FCGR1A: variants seen among roughly 807,000 people sequenced by gnomAD.
FCGR1A encodes high affinity immunoglobulin gamma Fc receptor I.
Under a neutral mutation model 35.0 loss-of-function variants are expected in FCGR1A, and 13 were observed. The ratio of observed to expected loss-of-function variants is 0.37; its 90% CI spans 0.24 to 0.59. The LOEUF (loss-of-function observed/expected upper bound fraction) is 0.59. Ranked by LOEUF, FCGR1A falls within the 20% of genes least tolerant of loss-of-function variation. The pLI is 0.71. For missense variants in FCGR1A, 227 were observed against 430.0 expected, an observed-to-expected ratio of 0.53 and a Z score of 4.17; for synonymous variants, 91 against 164.7, an observed-to-expected ratio of 0.55 and a Z score of 3.43.
chr1:149,792,636 T>C, downstream of FCGR1A: 1 of 1,267,324 alleles, frequency 7.9e-7, no homozygotes, highest in Non-Finnish European at 1.0e-6. Context: ...CATGTGCATA[T>C]TGCAGCCTCC....
At chr1:149,788,280 A>G (rs1249520056) in intron 3 of FCGR1A, 86 bp from the exon 4 acceptor site, 50 of 1,609,282 alleles carry the variant, frequency 3.1e-5, no homozygotes, top group Admixed American at 2.9e-4. Flanking sequence ...TTGCAAGGAG[A>G]AAAAATAGGA....
chr1:149,791,335 A>G lies in FCGR1A; in HGVS notation c.943A>G (p.Lys315Glu), dbSNP rs1553751841. ...CACTGTTCTCTGGGTGACAATACGT[A>G]AAGAACTGAAAAGAAAGAAAAAGTG... ...VNTVLWVTIR[K>E]ELKRKKKWDL... The change falls in exon 6 of 6, where the codon AAA becomes GAA. Residue 315 changes from lysine to glutamate, a missense_variant. Lys to Glu is a moderately conservative substitution (Grantham distance 56). Transcript: ENST00000369168. The G allele has an allele frequency of 3.8e-6, 6 of 1,585,228 alleles. 1 individual carries two copies. The Admixed American group carries it at 1.0e-4, about 27-fold the overall frequency.
chr1:149,792,440 C>A (rs2091732512), downstream of FCGR1A: 1 of 946,800 alleles, frequency 1.1e-6, no homozygotes, highest in Admixed American at 4.8e-5. Context: ...CACTGTGTAA[C>A]ATAGCTGAGG....
At chr1:149,796,470 C>T (rs587760621), downstream of FCGR1A, among the ~76,000 whole-genome samples, 2,415 of 152,250 alleles carry the variant, frequency 0.016, 25 homozygotes, top group Non-Finnish European at 0.024. Flanking sequence ...GACTTCAAGG[C>T]CCAGTTCTTC....
Position 149,791,547 on chromosome 1 carries a change from G to A in FCGR1A, c.*30G>A, listed in dbSNP as rs782738262. ...GGCTCAGTGGGTGGCCATCGATCTG[G>A]ACCGTCCCCTGCCCACTTGCTCCCC... On this transcript the variant is annotated 3_prime_UTR_variant, in exon 6 of 6. Coordinates refer to ENST00000369168, the MANE Select transcript of FCGR1A (RefSeq NM_000566.4). 12 of 1,609,812 alleles carry A rather than the reference G, an allele frequency of 7.5e-6. No homozygotes were observed. The East Asian group carries it at 2.7e-4, about 36-fold the overall frequency.
At position 149,784,657 on chromosome 1, in the gene FCGR1A, T is replaced by A. The variant is rs1380851860; in HGVS notation, c.307+400T>A. ...ACAAAACTGCTAATATATATATACATATTATGCATATATATGTATATATTA... is the reference window on the plus strand; with the variant it reads ...ACAAAACTGCTAATATATATATACAAATTATGCATATATATGTATATATTA... On this transcript the variant is annotated intron_variant, in intron 3 of 5. Transcript: ENST00000369168. Among the ~76,000 whole-genome samples the A allele has an allele frequency of 7.3e-3, 1,090 of 148,814 alleles. 9 individuals are homozygous for A. The highest frequency in any genetic ancestry group is 0.013 in the Non-Finnish European group (856 of 67,438).
At chr1:149,793,832 G>A, downstream of FCGR1A, 2 of 1,229,276 alleles carry the variant, frequency 1.6e-6, no homozygotes, top group South Asian at 2.8e-5. Flanking sequence ...GAGGTTCCTA[G>A]CCTGAGAAGT....
At chr1:149,785,154 A>G (rs1256433328) in intron 3 of FCGR1A, among the ~76,000 whole-genome samples, 3 of 152,322 alleles carry the variant, frequency 2.0e-5, no homozygotes, top group African/African-American at 7.2e-5. Context: ...GCAAGACAAA[A>G]TAACCAAATG....
At chr1:149,797,697 C>T in the FCGR1A span, among the ~76,000 whole-genome samples, 2 of 152,226 alleles carry the variant, frequency 1.3e-5, no homozygotes, top group Non-Finnish European at 2.9e-5. Context: ...CTCCCAGGCT[C>T]AACGATCCTC....
At chr1:149,789,581 G>A (rs1553751409) in intron 4 of FCGR1A, among the ~76,000 whole-genome samples, 1 of 152,148 alleles carries the variant, frequency 6.6e-6, no homozygotes, top group African/African-American at 2.4e-5. Context: ...TCCGTGGCCT[G>A]TTAGGAACTG....
chr1:149,796,865 T>C, the FCGR1A span, among the ~76,000 whole-genome samples: 1 of 152,212 alleles, frequency 6.6e-6, no homozygotes, highest in Non-Finnish European at 1.5e-5. Context: ...TTTTGATCAA[T>C]TTGTATAATA....
At chr1:149,789,141 A>G (rs2102052127) in intron 4 of FCGR1A, among the ~76,000 whole-genome samples, 1 of 151,514 alleles carries the variant, frequency 6.6e-6, no homozygotes, top group South Asian at 2.1e-4. Context: ...CTCTTAATAC[A>G]ATCACTAGCA....
At chr1:149,793,357 G>C (rs1216266110), downstream of FCGR1A, 18 of 1,137,698 alleles carry the variant, frequency 1.6e-5, no homozygotes, top group Admixed American at 4.6e-5. Context: ...GAGCTGGCTC[G>C]GCGGGATCAG....
downstream of FCGR1A, chr1:149,793,169 A>G: frequency 1.6e-6 from 2 of 1,279,636 alleles, no homozygotes; most frequent in South Asian, 2.5e-5. Context: ...AGATCACAGG[A>G]AACGGGAGGA....
downstream of FCGR1A, chr1:149,792,669 C>T (rs1204798706): frequency 7.0e-6 from 9 of 1,278,188 alleles, 2 homozygotes; most frequent in African/African-American, 7.8e-5. Flanking sequence ...GGGCCGCAGC[C>T]GCCAGCGCCC....
At chr1:149,790,758 G>A (rs1206747201) in intron 5 of FCGR1A, among the ~76,000 whole-genome samples, 85 of 147,544 alleles carry the variant, frequency 5.8e-4, no homozygotes, top group African/African-American at 2.1e-3. Context: ...GTTGTCATAC[G>A]TCTGGGGATA....
intron 5 of FCGR1A, among the ~76,000 whole-genome samples, chr1:149,790,666 C>T (rs2091686581): frequency 7.3e-6 from 1 of 136,484 alleles, no homozygotes; most frequent in South Asian, 2.7e-4. Flanking sequence ...ACCCCCCCTT[C>T]TCTCTCTCTC....
chr1:149,798,618 T>A, the FCGR1A span, among the ~76,000 whole-genome samples: 2 of 139,654 alleles, frequency 1.4e-5, no homozygotes. Context: ...AAACCGACTT[T>A]AAAAAAAAAA....
rs782277716 is a variant in FCGR1A at position 149,788,521 on chromosome 1, A to G, written c.463A>G (p.Ile155Val). The change falls in exon 4 of 6, where the codon ATT (isoleucine) becomes GTT (valine). Residue 155 changes from isoleucine (I) to valine (V), a missense_variant. Physicochemically the swap from Ile to Val is conservative, Grantham distance 29. Transcript: ENST00000369168. ...TTTCCACTGGAATTCTAACCTCACC[A>G]TTCTGAAAACCAACATAAGTCACAA... ...KFFHWNSNLT[I>V]LKTNISHNGT... is the part of the protein sequence containing the mutation. 1.2e-6 allele frequency: 2 copies of G among 1,613,858 alleles called. No homozygotes were observed. Among genetic ancestry groups the G allele is most frequent in the Middle Eastern group, 3.3e-4 (2 of 6,056 alleles).
Sources: gnomAD v4.1 joint callset for allele counts (sites outside exome capture counted in the v4.1 genomes callset) on GRCh38, gnomAD v4.1.1 for gene constraint, MANE v1.5 for transcripts, NCBI Gene and HGNC (gene_info 2026-07-23, HGNC 2026-07-21) for gene names.